The following GOLM2 variants were observed in gnomAD, a reference collection of about 807,000 sequenced individuals.
GOLM2 encodes the protein golgi membrane protein 2.
GOLM2 carries 26 observed loss-of-function variants against 55.9 expected under a neutral mutation model. The observed-to-expected ratio is 0.47, with a 90% CI of 0.34 to 0.65. The LOEUF (loss-of-function observed/expected upper bound fraction) is 0.65. GOLM2 is among the 30% of genes least tolerant of loss of function. The pLI is 0.01. For missense variants in GOLM2, 486 were observed against 531.8 expected, an observed-to-expected ratio of 0.91 and a Z score of 0.85; for synonymous variants, 165 against 194.6, an observed-to-expected ratio of 0.85 and a Z score of 1.27.
At chr15:44,310,591 G>A (rs951305561) in intron 1 of GOLM2, among the ~76,000 whole-genome samples, 1 of 151,516 alleles carries the variant, frequency 6.6e-6, no homozygotes, top group African/African-American at 2.4e-5. Flanking sequence ...AGAGATTGAG[G>A]TAGGATCCCA....
chr15:44,347,157 G>T (rs1283595357), intron 6 of GOLM2, among the ~76,000 whole-genome samples: 6 of 151,616 alleles, frequency 4.0e-5, no homozygotes, highest in African/African-American at 1.2e-4. Context: ...GAGAGAGGAG[G>T]CAGAGTGAGA....
chr15:44,367,609 A>G (rs1222115590), intron 6 of GOLM2, among the ~76,000 whole-genome samples: 2 of 152,120 alleles, frequency 1.3e-5, no homozygotes, highest in Admixed American at 6.5e-5. Flanking sequence ...ATCCTGGCCA[A>G]CATGGTGAAA....
chr15:44,312,200 A>G (rs1019884242), intron 1 of GOLM2, among the ~76,000 whole-genome samples: 3 of 152,154 alleles, frequency 2.0e-5, no homozygotes, highest in Non-Finnish European at 4.4e-5. Context: ...TTTACATGCC[A>G]ATTTCAAGCA....
At chr15:44,397,508 CCACACACA>C (rs10695192) in intron 8 of GOLM2, among the ~76,000 whole-genome samples, 3 of 130,006 alleles carry the variant, frequency 2.3e-5, no homozygotes, top group Admixed American at 7.8e-5. Context: ...AAAAACAAAA[CCACACACA>C]CACACACACA....
intron 8 of GOLM2, among the ~76,000 whole-genome samples, chr15:44,383,661 CTTTTTCTT>C (rs2079419768): frequency 7.7e-5 from 11 of 143,204 alleles, no homozygotes; most frequent in Admixed American, 6.9e-4. Context: ...CAACTCTTTT[CTTTTTCTT>C]TTTTTCTTTT....
intron 9 of GOLM2, among the ~76,000 whole-genome samples, chr15:44,413,037 A>G (rs1464435508): frequency 1.3e-5 from 2 of 151,918 alleles, no homozygotes; most frequent in Non-Finnish European, 2.9e-5. Context: ...ATATAAAAAT[A>G]TTAACTCCTC....
intron 6 of GOLM2, among the ~76,000 whole-genome samples, chr15:44,376,882 C>T (rs1232747035): frequency 6.6e-6 from 1 of 152,010 alleles, no homozygotes; most frequent in Non-Finnish European, 1.5e-5. Context: ...TAAATAAATA[C>T]CTTTCTCCTT....
intron 1 of GOLM2, among the ~76,000 whole-genome samples, chr15:44,303,902 A>T (rs1329887099): frequency 6.6e-6 from 1 of 151,582 alleles, no homozygotes; most frequent in African/African-American, 2.4e-5. Flanking sequence ...GGCCTGGCTG[A>T]TTTTTGTATT....
At chr15:44,363,018 C>G (rs1341626319) in intron 6 of GOLM2, among the ~76,000 whole-genome samples, 9 of 152,140 alleles carry the variant, frequency 5.9e-5, no homozygotes, top group Non-Finnish European at 1.0e-4. Context: ...GGATCCCTTC[C>G]TTACACCTTA....
intron 6 of GOLM2, 151 bp downstream of exon 6, chr15:44,338,468 T>C (rs2079071758): frequency 6.4e-6 from 4 of 626,436 alleles, no homozygotes; most frequent in Non-Finnish European, 1.1e-5. Context: ...TGCCAGGACT[T>C]TTTTTGGATC....
intron 8 of GOLM2, among the ~76,000 whole-genome samples, chr15:44,399,070 T>C (rs532997071): frequency 6.6e-6 from 1 of 152,316 alleles, no homozygotes; most frequent in Non-Finnish European, 1.5e-5. Flanking sequence ...CCATCTTTGT[T>C]CTTACCTGTT....
intron 6 of GOLM2, among the ~76,000 whole-genome samples, chr15:44,347,313 G>C (rs1179000309): frequency 6.6e-6 from 1 of 152,172 alleles, no homozygotes; most frequent in African/African-American, 2.4e-5. Flanking sequence ...GTTAAAAGGG[G>C]CATGGAAGGA....
chr15:44,395,221 T>A (rs1404720874), intron 8 of GOLM2, among the ~76,000 whole-genome samples: 1 of 150,622 alleles, frequency 6.6e-6, no homozygotes, highest in Non-Finnish European at 1.5e-5. Flanking sequence ...AGGGTTTCAC[T>A]GTGGTCTCGA....
At chr15:44,403,254 C>T (rs2079577771) in intron 9 of GOLM2, 200 bp downstream of exon 9, 3 of 558,730 alleles carry the variant, frequency 5.4e-6, no homozygotes, top group Non-Finnish European at 9.7e-6. Context: ...CCTCCACCTC[C>T]CGGGTTCAAG....
At chr15:44,316,570 A>G (rs985183442) in intron 1 of GOLM2, among the ~76,000 whole-genome samples, 1 of 152,030 alleles carries the variant, frequency 6.6e-6, no homozygotes, top group African/African-American at 2.4e-5. Context: ...CCTGGCCAAC[A>G]GGGTGAAACC....
At chr15:44,387,133 A>C (rs554801847) in intron 8 of GOLM2, among the ~76,000 whole-genome samples, 3 of 147,192 alleles carry the variant, frequency 2.0e-5, no homozygotes, top group South Asian at 2.2e-4. Flanking sequence ...TGAGATTCTG[A>C]GATTGTGCCA....
At chr15:44,367,517 G>A (rs989453501) in intron 6 of GOLM2, among the ~76,000 whole-genome samples, 1 of 151,798 alleles carries the variant, frequency 6.6e-6, no homozygotes, top group African/African-American at 2.4e-5. Flanking sequence ...CAGTTCCGGC[G>A]GGGCGCAGTG....
At chr15:44,344,926 C>T (rs1016412980) in intron 6 of GOLM2, among the ~76,000 whole-genome samples, 1 of 150,860 alleles carries the variant, frequency 6.6e-6, no homozygotes, top group Non-Finnish European at 1.5e-5. Flanking sequence ...TACAGGCACC[C>T]GCCACAAGTA....
Position 44,289,117 on chromosome 15 carries a change from T to G in GOLM2, c.88T>G (p.Phe30Val). The G allele has an allele frequency of 3.1e-6, 5 of 1,614,136 alleles. No individual in the cohort carries two copies. The highest frequency in any genetic ancestry group is 2.2e-5 in the East Asian group (1 of 44,870). ...VLLVVIVVLA[F>V]NYWSISSRHV... Reference sequence around the variant, plus strand: ...GCTGGTGGTGATCGTCGTCCTCGCCTTCAACTACTGGAGCATCTCCTCCCG... The same window carrying G: ...GCTGGTGGTGATCGTCGTCCTCGCCGTCAACTACTGGAGCATCTCCTCCCG... The change falls in exon 1 of 10, where the codon TTC becomes GTC. Residue 30 changes from phenylalanine (F) to valine (V), a missense_variant. By Grantham distance (50) the Phe-to-Val change is conservative. Transcript: ENST00000299957. This position sits in a 1 kb window ranked among gnomAD's most constrained non-coding sequence, Gnocchi z 4.8.
Sources: allele counts gnomAD v4.1 joint callset (sites outside exome capture counted in the v4.1 genomes callset), GRCh38; gene constraint gnomAD v4.1.1; non-coding constraint Gnocchi (gnomAD v3.1); transcripts MANE v1.5; gene names NCBI Gene and HGNC (gene_info 2026-07-23, HGNC 2026-07-21).